Variants in NLRP5 observed in about 807,000 individuals in gnomAD.
NLRP5 encodes NLR family pyrin domain containing 5.
Under a neutral mutation model 113.1 loss-of-function variants are expected in NLRP5, and 93 were observed. That is an observed-to-expected ratio of 0.82 (90% CI 0.70 to 0.98). NLRP5 has a LOEUF of 0.98. Among genes scored for constraint, NLRP5 ranks in the 50% least tolerant of loss-of-function variants. The pLI is 0.00. For missense variants in NLRP5, 1,808 were observed against 1,514.3 expected (o/e 1.19, Z -3.22); for synonymous variants, 751 against 600.7 (o/e 1.25, Z -3.66).
Position 56,026,818 on chromosome 19 carries a change from T to TGCC in NLRP5, c.680-94_680-92dup. 1.2e-5 allele frequency: 16 copies of TGCC among 1,284,300 alleles called. No homozygotes were observed. In the South Asian group the frequency reaches 2.4e-4, roughly 19 times the overall value. 79.6% of individuals were successfully genotyped at this position (1,284,300 alleles called of 1,614,324 possible). Reference sequence around the variant, plus strand: ...CTCAAACTCCTGACCTCAGGTGATATGCCCATCTTGACCTCCCACAGTGCT... The same window carrying TGCC: ...CTCAAACTCCTGACCTCAGGTGATATGCCGCCCATCTTGACCTCCCACAGTGCT... On this transcript the variant is annotated intron_variant, in intron 6 of 14. Transcript: ENST00000390649.
At position 56,040,932 on chromosome 19, in the gene NLRP5, T is replaced by G. The variant is rs561278389; in HGVS notation, c.2797T>G (p.Cys933Gly). 1.2e-6 allele frequency: 2 copies of G among 1,613,750 alleles called. No individual in the cohort carries two copies. Among genetic ancestry groups the G allele is most frequent in the African/African-American group, 2.7e-5 (2 of 75,052 alleles). Residue 933 changes from cysteine to glycine, a missense_variant, in exon 11 of 15, where the codon TGT becomes GGT. Coordinates refer to ENST00000390649, the MANE Select transcript of NLRP5 (RefSeq NM_153447.4). ...GCTCTCTTCTTGCAGACTGGAGGAC[T>G]GTGGCATCACAGCCACGGGTTGCCA...
chr19:56,061,292 C>T (rs1282947372), intron 14 of NLRP5, 104 bp from the exon 15 acceptor site: 3 of 1,290,648 alleles, frequency 2.3e-6, no homozygotes, highest in Non-Finnish European at 3.2e-6. Flanking sequence ...CTTAAGAGTA[C>T]AAGAAAAGGT....
chr19:56,006,803 A>C (rs1016946092), intron 2 of NLRP5, among the ~76,000 whole-genome samples: 3 of 151,606 alleles, frequency 2.0e-5, no homozygotes, highest in African/African-American at 4.8e-5. Context: ...GCAGTGGCGC[A>C]ATCTCGGCTC....
At chr19:56,053,606 G>C (rs60674753) in intron 12 of NLRP5, 32 bp from the exon 13 acceptor site, 1 of 1,594,656 alleles carries the variant, frequency 6.3e-7, no homozygotes, top group South Asian at 1.1e-5. Flanking sequence ...CCTCGAGAGA[G>C]GCAGACTCTC....
rs779958901 is a variant in NLRP5, at chr19:56,020,371, G to A, written c.623-4G>A. On this transcript the variant is annotated splice_polypyrimidine_tract_variant and splice_region_variant and intron_variant, in intron 5 of 14. Coordinates refer to ENST00000390649, the MANE Select transcript of NLRP5 (RefSeq NM_153447.4). ...CAAGTATGTTGGAATTCATTCTTTT[G>A]CAGAAATTTCACAAGCTATGGAACA... 7 of 1,607,666 alleles carry A rather than the reference G, an allele frequency of 4.4e-6. No homozygotes were observed. Among genetic ancestry groups the A allele is most frequent in the Non-Finnish European group, 5.9e-6 (7 of 1,176,660 alleles).
At chr19:56,012,768 T>G (rs921857773) in intron 3 of NLRP5, among the ~76,000 whole-genome samples, 19 of 152,218 alleles carry the variant, frequency 1.2e-4, no homozygotes, top group Admixed American at 5.2e-4. Flanking sequence ...GTTGCTTTCC[T>G]GGAATACCTG....
chr19:56,014,465 A>C (rs922529950), intron 3 of NLRP5, among the ~76,000 whole-genome samples: 11 of 136,836 alleles, frequency 8.0e-5, no homozygotes, highest in Non-Finnish European at 1.7e-4. Flanking sequence ...GGTGACAGAG[A>C]AACGCTCCAT....
intron 10 of NLRP5, among the ~76,000 whole-genome samples, chr19:56,039,405 C>T (rs1259360453): frequency 2.0e-5 from 3 of 152,158 alleles, no homozygotes; most frequent in Non-Finnish European, 2.9e-5. Flanking sequence ...CTCTAGGTGA[C>T]CTTTAATCTT....
chr19:56,027,091 A>G lies in NLRP5; in HGVS notation c.858A>G (p.Gly286=). ...GGCCTCGCACGGTGGTTCTGCACGG[A>G]AAGTCAGGAATTGGGAAATCGGCTC... The change falls in exon 7 of 15, where the codon GGA becomes GGG. Residue 286 remains glycine, a synonymous_variant. Coordinates refer to ENST00000390649, the MANE Select transcript of NLRP5 (RefSeq NM_153447.4). The G allele has an allele frequency of 1.3e-6, 2 of 1,568,676 alleles. No homozygotes were observed. The highest frequency in any genetic ancestry group is 1.7e-6 in the Non-Finnish European group (2 of 1,156,962).
chr19:56,059,949 G>T (rs114398496), intron 14 of NLRP5, among the ~76,000 whole-genome samples: 4 of 152,180 alleles, frequency 2.6e-5, no homozygotes, highest in Non-Finnish European at 5.9e-5. Context: ...GTATAACCAG[G>T]AAGAAGTCAA....
At chr19:56,057,279 C>T (rs966640989) in intron 13 of NLRP5, among the ~76,000 whole-genome samples, 2 of 152,082 alleles carry the variant, frequency 1.3e-5, no homozygotes, top group African/African-American at 4.8e-5. Context: ...TGACATCCAC[C>T]CCAAAATAAC....
rs1491011983 is a variant in NLRP5 at position 56,055,533 on chromosome 19, C to CTTTTTTTTTTTTTTTTTTT, written c.3299+1726_3299+1727insTTTTTTTTTTTTTTTTTTT. On this transcript the variant is annotated intron_variant, in intron 13 of 14. Transcript: ENST00000390649. ...AGCTCCATGTTCTATTTTTCTTTCT[C>CTTTTTTTTTTTTTTTTTTT]TGTCTTTTTTTTTTTTTTTTTTTTT... 6.6e-4 allele frequency among the ~76,000 whole-genome samples: 66 copies of CTTTTTTTTTTTTTTTTTTT among 99,478 alleles called. 10 individuals are homozygous for CTTTTTTTTTTTTTTTTTTT. The highest frequency in any genetic ancestry group is 1.1e-3 in the Non-Finnish European group (52 of 48,250). 65.3% of individuals were successfully genotyped at this position (99,478 alleles called of 152,430 possible).
chr19:55,996,027 G>A (rs1308994432), upstream of NLRP5, among the ~76,000 whole-genome samples: 3 of 139,372 alleles, frequency 2.2e-5, no homozygotes, highest in Non-Finnish European at 4.7e-5. Context: ...TCCTTTATCA[G>A]TTCTCTGTCT....
chr19:56,053,709 T>C lies in NLRP5; in HGVS notation c.3200T>C (p.Leu1067Pro). The change falls in exon 13 of 15, where the codon CTG becomes CCG. Residue 1067 changes from leucine to proline, a missense_variant. Coordinates refer to ENST00000390649, the MANE Select transcript of NLRP5 (RefSeq NM_153447.4). ...TGTGTGATCTCGAGGAGCAGACACC[T>C]GAAGAGCCTGGATCTCACGGACAAT... 6.2e-7 allele frequency: 1 copy of C among 1,613,906 alleles called. No homozygotes were observed. Among genetic ancestry groups the C allele is most frequent in the Non-Finnish European group, 8.5e-7 (1 of 1,179,874 alleles).
chr19:55,987,532 C>T, the NLRP5 span, among the ~76,000 whole-genome samples: 12 of 152,148 alleles, frequency 7.9e-5, no homozygotes, highest in Admixed American at 2.0e-4. Context: ...ACAATTCTGA[C>T]GGTGTTGTTT....
At chr19:55,994,520 C>A in the NLRP5 span, among the ~76,000 whole-genome samples, 41 of 152,170 alleles carry the variant, frequency 2.7e-4, no homozygotes, top group African/African-American at 8.7e-4. Flanking sequence ...GCCTCAGCCT[C>A]CCCAGTAGCT....
In NLRP5 at chr19:56,041,023, T is replaced by TG. The variant is rs1983502576; in HGVS notation, c.2892dup (p.Asn965GlufsTer17). 1.2e-6 allele frequency: 2 copies of TG among 1,613,960 alleles called. No homozygotes were observed. Among genetic ancestry groups the TG allele is most frequent in the Non-Finnish European group, 1.7e-6 (2 of 1,179,872 alleles). On this transcript the variant is annotated frameshift_variant, in exon 11 of 15. Coordinates refer to ENST00000390649, the MANE Select transcript of NLRP5 (RefSeq NM_153447.4). LOFTEE classifies it high-confidence loss of function. ...CACCTGTGCCTATCCAACAACAGCC[T>TG]GGGGAACGAAGGTGTAAATCTACTG...
At chr19:56,025,509 C>G (rs1192662190) in intron 6 of NLRP5, among the ~76,000 whole-genome samples, 1 of 152,010 alleles carries the variant, frequency 6.6e-6, no homozygotes, top group African/African-American at 2.4e-5. Flanking sequence ...GCGTTCATGA[C>G]TTTCTCCTGC....
the NLRP5 span, among the ~76,000 whole-genome samples, chr19:55,987,452 T>C: frequency 6.6e-6 from 1 of 152,120 alleles, no homozygotes; most frequent in Non-Finnish European, 1.5e-5. Context: ...TTGGTAGGAG[T>C]CCAGAGGGTG....
Sources: gnomAD v4.1 joint callset for allele counts (sites outside exome capture counted in the v4.1 genomes callset) on GRCh38, gnomAD v4.1.1 for gene constraint, MANE v1.5 for transcripts, NCBI Gene and HGNC (gene_info 2026-07-23, HGNC 2026-07-21) for gene names.